The following CYP2C19 variants were observed in gnomAD, a reference collection of about 807,000 sequenced individuals.
CYP2C19 encodes the protein cytochrome P450 family 2 subfamily C member 19.
CYP2C19 carries 59 observed loss-of-function variants against 40.9 expected under a neutral mutation model. The ratio of observed to expected loss-of-function variants is 1.44; its 90% CI spans 1.17 to 1.79. CYP2C19 has a LOEUF of 1.79. Among genes scored for constraint, CYP2C19 ranks in the 40% most tolerant of loss-of-function variants. The pLI, the probability that CYP2C19 is intolerant of heterozygous loss-of-function variation, is 0.00. For missense variants in CYP2C19, 754 were observed against 596.9 expected (o/e 1.26, Z -2.74); for synonymous variants, 253 against 208.7 (o/e 1.21, Z -1.83).
intron 6 of CYP2C19, among the ~76,000 whole-genome samples, chr10:94,824,489 C>G (rs1467325260): frequency 6.6e-6 from 1 of 152,084 alleles, no homozygotes; most frequent in Non-Finnish European, 1.5e-5. Flanking sequence ...ATTGCAGACT[C>G]TCACACACAC....
chr10:94,831,006 C>T lies in CYP2C19; in HGVS notation c.961+10369C>T, dbSNP rs372941882. On this transcript the variant is annotated intron_variant, in intron 6 of 8. Transcript: ENST00000371321. ...TATCAAATAGTAGGTCTTATTCATC[C>T]CTACTTCCCTTCTCACCCCCCACTT... is the stretch of plus-strand genomic sequence containing the variant. 4.6e-4 allele frequency among the ~76,000 whole-genome samples: 70 copies of T among 152,216 alleles called. No homozygotes were observed. In the East Asian group the frequency reaches 6.0e-3, roughly 13 times the overall value.
intron 5 of CYP2C19, among the ~76,000 whole-genome samples, chr10:94,803,714 G>A (rs1448421400): frequency 6.6e-6 from 1 of 152,198 alleles, no homozygotes; most frequent in African/African-American, 2.4e-5. Context: ...GGGTAAGGGA[G>A]GGGAGAGTTG....
At chr10:94,766,543 T>C (rs1482888167) in intron 1 of CYP2C19, among the ~76,000 whole-genome samples, 1 of 152,082 alleles carries the variant, frequency 6.6e-6, no homozygotes, top group Admixed American at 6.5e-5. Flanking sequence ...AATAATATGA[T>C]GAAATAGTAA....
chr10:94,829,327 A>T (rs1381459428), intron 6 of CYP2C19, among the ~76,000 whole-genome samples: 2 of 152,036 alleles, frequency 1.3e-5, no homozygotes, highest in Non-Finnish European at 2.9e-5. Context: ...TGGTCTTTTC[A>T]CATAGTCCCA....
intron 5 of CYP2C19, among the ~76,000 whole-genome samples, chr10:94,802,936 T>A (rs769193648): frequency 6.6e-6 from 1 of 152,206 alleles, no homozygotes; most frequent in Non-Finnish European, 1.5e-5. Context: ...TCGCTTGTCA[T>A]GTTTCTGCTG....
rs529728352 is a variant in CYP2C19 at position 94,821,696 on chromosome 10, T to C, written c.961+1059T>C. Among the ~76,000 whole-genome samples the C allele has an allele frequency of 3.1e-3, 474 of 152,306 alleles. 3 individuals are homozygous for C. Among genetic ancestry groups the C allele is most frequent in the African/African-American group, 0.011 (451 of 41,562 alleles). On this transcript the variant is annotated intron_variant, in intron 6 of 8. Coordinates refer to ENST00000371321, the MANE Select transcript of CYP2C19 (RefSeq NM_000769.4). ...AATAAATATTCTTTTTTCCCCTGTG[T>C]CAGTATCCCCCATTTAATGACAATA...
intron 5 of CYP2C19, among the ~76,000 whole-genome samples, chr10:94,784,049 CTAAA>C (rs1298012717): frequency 6.6e-6 from 1 of 152,126 alleles, no homozygotes; most frequent in African/African-American, 2.4e-5. Flanking sequence ...ATTATATTCG[CTAAA>C]TAATCACTCC....
chr10:94,821,076 C>T (rs1564676088), intron 6 of CYP2C19, among the ~76,000 whole-genome samples: 2 of 151,740 alleles, frequency 1.3e-5, no homozygotes, highest in Non-Finnish European at 2.9e-5. Context: ...GAGTGGGACC[C>T]TGTCTCAGAA....
chr10:94,810,574 G>C (rs1480455489), intron 5 of CYP2C19, among the ~76,000 whole-genome samples: 1 of 151,968 alleles, frequency 6.6e-6, no homozygotes, highest in Non-Finnish European at 1.5e-5. Context: ...ACTTGTTATT[G>C]GTCTCTTCAC....
At chr10:94,845,094 C>T (rs1589377481) in intron 7 of CYP2C19, among the ~76,000 whole-genome samples, 2 of 152,176 alleles carry the variant, frequency 1.3e-5, no homozygotes, top group East Asian at 3.9e-4. Context: ...CAATTCTACC[C>T]TCTTTACAAA....
chr10:94,806,359 C>A (rs1848836491), intron 5 of CYP2C19, among the ~76,000 whole-genome samples: 1 of 152,034 alleles, frequency 6.6e-6, no homozygotes, highest in Non-Finnish European at 1.5e-5. Context: ...TGTTATTATG[C>A]ATATGGGTAA....
intron 5 of CYP2C19, among the ~76,000 whole-genome samples, chr10:94,788,528 T>C (rs1848571091): frequency 6.6e-6 from 1 of 151,268 alleles, no homozygotes; most frequent in Non-Finnish European, 1.5e-5. Flanking sequence ...GTATTTCTCC[T>C]AATGCTATCC....
intron 8 of CYP2C19, among the ~76,000 whole-genome samples, chr10:94,852,298 T>G (rs1474556031): frequency 6.6e-6 from 1 of 152,150 alleles, no homozygotes; most frequent in African/African-American, 2.4e-5. Flanking sequence ...AAAAAAATCT[T>G]TGGCTGCATA....
chr10:94,813,387 C>A (rs1386104463), intron 5 of CYP2C19, among the ~76,000 whole-genome samples: 1 of 151,826 alleles, frequency 6.6e-6, no homozygotes, highest in Non-Finnish European at 1.5e-5. Flanking sequence ...CCACTGCCAC[C>A]CCTTCTTCCA....
At chr10:94,783,459 A>T (rs1848503531) in intron 5 of CYP2C19, among the ~76,000 whole-genome samples, 1 of 152,132 alleles carries the variant, frequency 6.6e-6, no homozygotes, top group South Asian at 2.1e-4. Flanking sequence ...AATGATTTGT[A>T]CAGATAAGAA....
At chr10:94,797,558 G>A (rs1375709748) in intron 5 of CYP2C19, among the ~76,000 whole-genome samples, 1 of 152,072 alleles carries the variant, frequency 6.6e-6, no homozygotes, top group Non-Finnish European at 1.5e-5. Context: ...AATTTCAGAA[G>A]GAGTGTACCA....
intron 5 of CYP2C19, among the ~76,000 whole-genome samples, chr10:94,815,077 CTACTATCATTAA>C (rs1440920309): frequency 1.4e-5 from 2 of 144,336 alleles, no homozygotes; most frequent in Non-Finnish European, 3.0e-5. Flanking sequence ...TAGAATATGG[CTACTATCATTAA>C]TAAGATAGGA....
chr10:94,772,333 C>T (rs550833891), intron 1 of CYP2C19, among the ~76,000 whole-genome samples: 87 of 152,074 alleles, frequency 5.7e-4, no homozygotes, highest in African/African-American at 1.8e-3. Flanking sequence ...TTGGTGAGCC[C>T]GGGTGCCTAA....
At chr10:94,767,197 G>A (rs1848257649) in intron 1 of CYP2C19, among the ~76,000 whole-genome samples, 1 of 152,120 alleles carries the variant, frequency 6.6e-6, no homozygotes, top group Non-Finnish European at 1.5e-5. Context: ...TGGGAAATGA[G>A]ATTCTTGTGT....
Sources: allele counts gnomAD v4.1 joint callset (sites outside exome capture counted in the v4.1 genomes callset), GRCh38; gene constraint gnomAD v4.1.1; transcripts MANE v1.5; gene names NCBI Gene and HGNC (gene_info 2026-07-23, HGNC 2026-07-21).